BEND6: variants seen among roughly 807,000 people sequenced by gnomAD.
The protein encoded by BEND6 is BEN domain-containing protein 6.
BEND6 carries 24 observed loss-of-function variants against 31.8 expected under a neutral mutation model. The observed-to-expected ratio is 0.75, with a 90% confidence interval of 0.55 to 1.06. BEND6 has a LOEUF of 1.06. Among genes scored for constraint, BEND6 ranks in the 50% least tolerant of loss-of-function variants. The pLI, the probability that BEND6 is intolerant of heterozygous loss-of-function variation, is 0.00. For synonymous variants in BEND6, 109 were observed against 114.6 expected (o/e 0.95, Z 0.31); for missense variants, 294 against 327.4 (o/e 0.90, Z 0.79).
intron 3 of BEND6, among the ~76,000 whole-genome samples, chr6:57,002,365 C>G (rs1394488846): frequency 6.6e-6 from 1 of 152,064 alleles, no homozygotes; most frequent in African/African-American, 2.4e-5. Flanking sequence ...CAAAATGGAC[C>G]TAAGAGACAT....
intron 1 of BEND6, among the ~76,000 whole-genome samples, chr6:56,963,334 C>T (rs533539238): frequency 2.9e-4 from 44 of 152,290 alleles, no homozygotes; most frequent in African/African-American, 9.6e-4. Flanking sequence ...AGATGCAGTC[C>T]TCTCCTTTAG....
At chr6:56,964,672 A>G (rs887604703) in intron 1 of BEND6, among the ~76,000 whole-genome samples, 2 of 151,974 alleles carry the variant, frequency 1.3e-5, no homozygotes, top group Non-Finnish European at 2.9e-5. Context: ...TGGCTAATTT[A>G]TTTTATTTTT....
chr6:56,959,646 A>G (rs1024857712), intron 1 of BEND6, among the ~76,000 whole-genome samples: 3 of 152,220 alleles, frequency 2.0e-5, no homozygotes, highest in Admixed American at 1.3e-4. Flanking sequence ...CAGGGAAACC[A>G]TCATGTGGAT....
intron 2 of BEND6, among the ~76,000 whole-genome samples, chr6:56,987,343 T>C (rs1423017405): frequency 3.9e-5 from 6 of 152,176 alleles, no homozygotes; most frequent in African/African-American, 1.4e-4. Context: ...TACAAGCACA[T>C]TTGGATTCTC....
intron 3 of BEND6, among the ~76,000 whole-genome samples, chr6:57,012,718 AG>A (rs200037857): frequency 0.01 from 1,526 of 152,348 alleles, 24 homozygotes; most frequent in African/African-American, 0.033. Context: ...ATTATGTAAA[AG>A]AAAATACATT....
intron 3 of BEND6, among the ~76,000 whole-genome samples, chr6:56,993,173 T>G (rs562003083): frequency 6.6e-6 from 1 of 152,380 alleles, no homozygotes; most frequent in East Asian, 1.9e-4. Flanking sequence ...ACTACTTGGC[T>G]TAATGCCTTT....
At chr6:56,964,161 G>A (rs1489143440) in intron 1 of BEND6, among the ~76,000 whole-genome samples, 1 of 151,886 alleles carries the variant, frequency 6.6e-6, no homozygotes, top group East Asian at 1.9e-4. Context: ...TGGGTAGTAA[G>A]TATTGGAGCT....
intron 1 of BEND6, among the ~76,000 whole-genome samples, chr6:56,974,670 C>A (rs1825810726): frequency 6.6e-6 from 1 of 152,156 alleles, no homozygotes; most frequent in Non-Finnish European, 1.5e-5. Context: ...TAATTGACAG[C>A]ATTTTGAGTG....
chr6:56,996,904 G>C (rs1826737643), intron 3 of BEND6, among the ~76,000 whole-genome samples: 1 of 152,102 alleles, frequency 6.6e-6, no homozygotes, highest in Non-Finnish European at 1.5e-5. Flanking sequence ...GTTCCTATGA[G>C]GTCTATTCTC....
intron 2 of BEND6, among the ~76,000 whole-genome samples, chr6:56,986,977 T>TC (rs1278062313): frequency 2.4e-5 from 3 of 126,826 alleles, no homozygotes; most frequent in African/African-American, 9.1e-5. Context: ...TCTTTTCTTT[T>TC]TTTTTTTTTT....
At chr6:56,983,945 G>A (rs1420989691) in intron 2 of BEND6, among the ~76,000 whole-genome samples, 1 of 152,118 alleles carries the variant, frequency 6.6e-6, no homozygotes, top group African/African-American at 2.4e-5. Flanking sequence ...GAGGCCAGAT[G>A]CAGTGGCTTA....
At chr6:56,975,373 G>A (rs1207904977) in intron 1 of BEND6, among the ~76,000 whole-genome samples, 5 of 152,102 alleles carry the variant, frequency 3.3e-5, no homozygotes, top group African/African-American at 1.2e-4. Context: ...AACATCGTTA[G>A]TATATCAATA....
chr6:56,971,322 T>A (rs1254219476), intron 1 of BEND6, among the ~76,000 whole-genome samples: 2 of 152,232 alleles, frequency 1.3e-5, no homozygotes, highest in African/African-American at 4.8e-5. Flanking sequence ...CTTTTAAAGG[T>A]TGAATACTAT....
intron 2 of BEND6, among the ~76,000 whole-genome samples, chr6:56,986,973 C>CTT (rs869195941): frequency 2.5e-4 from 31 of 123,802 alleles, no homozygotes; most frequent in Non-Finnish European, 2.7e-4. Flanking sequence ...TGTTTCTTTT[C>CTT]TTTTTTTTTT....
intron 4 of BEND6, among the ~76,000 whole-genome samples, chr6:57,015,679 C>T (rs1047979603): frequency 6.6e-6 from 1 of 151,488 alleles, no homozygotes; most frequent in African/African-American, 2.4e-5. Flanking sequence ...ATGACGGGCA[C>T]CTGTAGTCCC....
intron 6 of BEND6, among the ~76,000 whole-genome samples, chr6:57,020,574 CCA>C (rs1357167063): frequency 1.3e-5 from 2 of 152,148 alleles, no homozygotes; most frequent in East Asian, 3.9e-4. Flanking sequence ...GCCCGCGCCA[CCA>C]CACACAGCTA....
chr6:56,985,206 AATTAT>A (rs1446715515), intron 2 of BEND6, among the ~76,000 whole-genome samples: 1 of 152,176 alleles, frequency 6.6e-6, no homozygotes, highest in East Asian at 1.9e-4. Context: ...TCAGTAATTC[AATTAT>A]ATTTCAGGTT....
rs750958672 is a variant in BEND6 at position 56,992,498 on chromosome 6, C to T, written c.241C>T (p.Leu81=). The change falls in exon 3 of 7, where the codon CTA becomes TTA. Residue 81 remains leucine, a synonymous_variant. Transcript: ENST00000370746. The stretch of plus-strand genomic sequence containing the variant: ...CAAAATAAAAAGCCTGAAAGAAAAA[C>T]TAACAAACACCCGGAAAGAAAACAG... ...CAKIKSLKEK[L]TNTRKENSRL... The T allele has an allele frequency of 2.5e-6, 4 of 1,613,966 alleles. No individual in the cohort carries two copies. Among genetic ancestry groups the T allele is most frequent in the Non-Finnish European group, 3.4e-6 (4 of 1,179,980 alleles).
At chr6:56,964,455 C>T (rs769990702) in intron 1 of BEND6, among the ~76,000 whole-genome samples, 1 of 152,038 alleles carries the variant, frequency 6.6e-6, no homozygotes, top group African/African-American at 2.4e-5. Flanking sequence ...AGACTGACAA[C>T]ACTGTCCCCA....
Sources: gnomAD v4.1 joint callset for allele counts (sites outside exome capture counted in the v4.1 genomes callset) on GRCh38, gnomAD v4.1.1 for gene constraint, MANE v1.5 for transcripts, NCBI Gene and HGNC (gene_info 2026-07-23, HGNC 2026-07-21) for gene names.